Variants in SMYD3 observed in about 807,000 individuals in gnomAD.
SMYD3 encodes the protein histone-lysine N-methyltransferase SMYD3.
In SMYD3, 36 loss-of-function variants were observed where a neutral mutation model predicts 57.7. The observed-to-expected ratio is 0.62, with a 90% CI of 0.48 to 0.82. The LOEUF is 0.82. SMYD3 is among the 40% of genes least tolerant of loss of function. The pLI, the probability that SMYD3 is intolerant of heterozygous loss-of-function variation, is 0.00. For synonymous variants in SMYD3, 211 were observed against 195.0 expected (o/e 1.08, Z -0.68); for missense variants, 515 against 538.8 (o/e 0.96, Z 0.44).
chr1:246,409,439 T>C (rs2102982298), intron 1 of SMYD3, among the ~76,000 whole-genome samples: 1 of 152,348 alleles, frequency 6.6e-6, no homozygotes, highest in Admixed American at 6.5e-5. Flanking sequence ...GGGAATCCTT[T>C]CCCCATTTCT....
chr1:245,828,622 C>T (rs1314998360), intron 10 of SMYD3, among the ~76,000 whole-genome samples: 1 of 151,646 alleles, frequency 6.6e-6, no homozygotes, highest in Non-Finnish European at 1.5e-5. Flanking sequence ...CATTTTTATC[C>T]CAGTAAGATG....
chr1:245,915,749 A>G, intron 7 of SMYD3, 109 bp from the exon 8 acceptor site: 1 of 636,418 alleles, frequency 1.6e-6, no homozygotes, highest in Non-Finnish European at 2.6e-6. Context: ...TTTTATTATA[A>G]ACCAAAAATA....
chr1:246,271,531 C>T (rs1485800221), intron 5 of SMYD3, among the ~76,000 whole-genome samples: 1 of 152,166 alleles, frequency 6.6e-6, no homozygotes, highest in African/African-American at 2.4e-5. Context: ...CCCAGTTGTC[C>T]TGGCACCATT....
intron 5 of SMYD3, among the ~76,000 whole-genome samples, chr1:246,236,418 A>G (rs2063513282): frequency 6.6e-6 from 1 of 151,646 alleles, no homozygotes; most frequent in Non-Finnish European, 1.5e-5. Flanking sequence ...TAATTAATTA[A>G]TTTATTTATT....
At chr1:245,954,056 A>T (rs1278111692) in intron 5 of SMYD3, among the ~76,000 whole-genome samples, 1 of 152,228 alleles carries the variant, frequency 6.6e-6, no homozygotes, top group Non-Finnish European at 1.5e-5. Flanking sequence ...AATGAAACTA[A>T]CACGAAGTGT....
Position 245,756,082 on chromosome 1 carries a change from C to T in SMYD3, c.1186-6418G>A, listed in dbSNP as rs188082151. On this transcript the variant is annotated intron_variant, in intron 11 of 11. Coordinates refer to ENST00000490107, the MANE Select transcript of SMYD3 (RefSeq NM_001167740.2). ...TTTATATAGTTTTGTGGTTGCTCCA[C>T]GTCTTATTATTTATATATATTTTAT... 2.8e-3 allele frequency among the ~76,000 whole-genome samples: 413 copies of T among 148,066 alleles called. 1 individual carries two copies. Among genetic ancestry groups the T allele is most frequent in the African/African-American group, 5.3e-3 (216 of 40,640 alleles).
intron 10 of SMYD3, among the ~76,000 whole-genome samples, chr1:245,846,888 G>A (rs1298646926): frequency 6.6e-6 from 1 of 152,204 alleles, no homozygotes; most frequent in Admixed American, 6.5e-5. Context: ...GAGCAGATTT[G>A]TTCCTCTTTC....
chr1:246,310,032 TC>T (rs1173406190), intron 5 of SMYD3, among the ~76,000 whole-genome samples: 5 of 152,166 alleles, frequency 3.3e-5, no homozygotes, highest in Non-Finnish European at 7.4e-5. Flanking sequence ...CTCTAAATTT[TC>T]CTAGTTAATA....
chr1:246,287,146 A>G (rs1049499191), intron 5 of SMYD3, among the ~76,000 whole-genome samples: 2 of 152,220 alleles, frequency 1.3e-5, no homozygotes, highest in Non-Finnish European at 2.9e-5. Flanking sequence ...TGCAAGGATT[A>G]TAGGCGTGAG....
Position 246,378,640 on chromosome 1 carries a change from C to CATATAT in SMYD3, c.165-23552_165-23547dup, listed in dbSNP as rs10673680. On this transcript the variant is annotated intron_variant, in intron 1 of 11. Coordinates refer to ENST00000490107, the MANE Select transcript of SMYD3 (RefSeq NM_001167740.2). ...AGTTAATACTTAATAATCTCCCCTT[C>CATATAT]ATATATATATATATACACACACACA... Among the ~76,000 whole-genome samples the CATATAT allele has an allele frequency of 9.1e-4, 109 of 119,574 alleles. 1 individual carries two copies. The highest frequency in any genetic ancestry group is 3.1e-3 in the African/African-American group (94 of 30,486). 78.4% of individuals were successfully genotyped at this position (119,574 alleles called of 152,430 possible). A position where few individuals can be genotyped will look rare whatever the true frequency, so the allele number is the denominator to read the frequency against.
intron 5 of SMYD3, among the ~76,000 whole-genome samples, chr1:246,057,542 TAAC>T (rs541606946): frequency 1.7e-3 from 255 of 152,226 alleles, no homozygotes; most frequent in African/African-American, 6.0e-3. Flanking sequence ...CAAATTAAAA[TAAC>T]AAGAAGATAC....
intron 8 of SMYD3, among the ~76,000 whole-genome samples, chr1:245,914,061 A>G (rs892483768): frequency 1.3e-5 from 2 of 152,168 alleles, no homozygotes; most frequent in African/African-American, 4.8e-5. Context: ...ATTAATAGCT[A>G]CCCACTCCCA....
At chr1:246,432,588 G>A (rs189629505) in intron 1 of SMYD3, among the ~76,000 whole-genome samples, 3 of 152,184 alleles carry the variant, frequency 2.0e-5, no homozygotes, top group Admixed American at 6.5e-5. Context: ...TTCAGTTCAC[G>A]ATGTGAGGTT....
At chr1:246,244,731 A>C (rs1020473789) in intron 5 of SMYD3, among the ~76,000 whole-genome samples, 5 of 152,162 alleles carry the variant, frequency 3.3e-5, no homozygotes, top group African/African-American at 1.2e-4. Context: ...AAGCACTCCT[A>C]ACACTGTTTT....
chr1:246,491,546 A>C (rs1266284464), intron 1 of SMYD3, among the ~76,000 whole-genome samples: 3 of 99,070 alleles, frequency 3.0e-5, no homozygotes, highest in Non-Finnish European at 7.6e-5. Flanking sequence ...GTCTCAAATA[A>C]AAAAAAAAAA....
At position 246,355,166 on chromosome 1, in the gene SMYD3, C is replaced by T; in HGVS notation, c.165-72G>A. On this transcript the variant is annotated intron_variant, in intron 1 of 11. Coordinates refer to ENST00000490107, the MANE Select transcript of SMYD3 (RefSeq NM_001167740.2). This position sits in a 1 kb window ranked among gnomAD's most constrained non-coding sequence, Gnocchi z 5.0. Reference sequence around the variant, plus strand: ...ATAGTACATAGTTGAAGAAAGAAAACATAAGTCAACATACGGACACCCGTA... The same window carrying T: ...ATAGTACATAGTTGAAGAAAGAAAATATAAGTCAACATACGGACACCCGTA... 7.0e-7 allele frequency: 1 copy of T among 1,427,958 alleles called. No homozygotes were observed. The highest frequency in any genetic ancestry group is 9.9e-7 in the Non-Finnish European group (1 of 1,012,108). 88.5% of individuals were successfully genotyped at this position (1,427,958 alleles called of 1,614,324 possible).
intron 10 of SMYD3, among the ~76,000 whole-genome samples, chr1:245,785,403 TAA>T (rs1223149077): frequency 2.6e-5 from 4 of 152,166 alleles, no homozygotes; most frequent in Non-Finnish European, 5.9e-5. Context: ...ATCAACAGAC[TAA>T]GTTTTTATCA....
intron 10 of SMYD3, among the ~76,000 whole-genome samples, chr1:245,814,035 T>C (rs1332461771): frequency 6.6e-6 from 1 of 151,782 alleles, no homozygotes; most frequent in African/African-American, 2.4e-5. Flanking sequence ...ATAAAGTTTT[T>C]ATAATAAATT....
chr1:246,326,425 G>C, intron 5 of SMYD3: 1 of 680,110 alleles, frequency 1.5e-6, no homozygotes, highest in Non-Finnish European at 2.7e-6. Flanking sequence ...ATCAATCATC[G>C]CACTCTTCCT....
Sources: allele counts gnomAD v4.1 joint callset (sites outside exome capture counted in the v4.1 genomes callset), GRCh38; gene constraint gnomAD v4.1.1; non-coding constraint Gnocchi (gnomAD v3.1); transcripts MANE v1.5; gene names NCBI Gene and HGNC (gene_info 2026-07-23, HGNC 2026-07-21).